Variants in PCDHAC1 observed in about 807,000 individuals in gnomAD.
PCDHAC1 encodes the protein protocadherin alpha-C1.
Under a neutral mutation model 60.0 loss-of-function variants are expected in PCDHAC1, and 42 were observed. The ratio of observed to expected loss-of-function variants is 0.70; its 90% CI spans 0.55 to 0.90. PCDHAC1 has a LOEUF of 0.90. Among genes scored for constraint, PCDHAC1 ranks in the 40% least tolerant of loss-of-function variants. The probability of loss-of-function intolerance (pLI) is 0.00; values close to 1 mark genes in which losing one functional copy is unlikely to be tolerated. For missense variants in PCDHAC1, 1,160 were observed against 1,222.3 expected (o/e 0.95, Z 0.76); for synonymous variants, 468 against 499.3 (o/e 0.94, Z 0.84).
intron 1 of PCDHAC1, among the ~76,000 whole-genome samples, chr5:140,975,052 T>C (rs2096651440): frequency 6.6e-6 from 1 of 152,206 alleles, no homozygotes; most frequent in South Asian, 2.1e-4. Context: ...AGGAAGAATC[T>C]ACTATCGAGC....
At chr5:140,954,650 C>G (rs2095069221) in intron 1 of PCDHAC1, among the ~76,000 whole-genome samples, 1 of 151,902 alleles carries the variant, frequency 6.6e-6, no homozygotes, top group Non-Finnish European at 1.5e-5. Context: ...TGTTTAAGTT[C>G]CTTGTAGACT....
intron 1 of PCDHAC1, among the ~76,000 whole-genome samples, chr5:140,935,583 C>T (rs1182817725): frequency 1.3e-5 from 2 of 152,168 alleles, no homozygotes; most frequent in Admixed American, 6.5e-5. Flanking sequence ...AGTTAAGCCA[C>T]CAGCTAGATA....
intron 3 of PCDHAC1, among the ~76,000 whole-genome samples, chr5:141,000,409 ATATATATATATATTT>A (rs2097918498): frequency 1.1e-5 from 1 of 94,040 alleles, no homozygotes; most frequent in East Asian, 3.1e-4. Flanking sequence ...ATATATATAT[ATATATATATATATTT>A]TTTTTTTTTT....
Position 140,993,501 on chromosome 5 carries a change from C to T in PCDHAC1, c.2581+10938C>T, listed in dbSNP as rs560043353. Among the ~76,000 whole-genome samples, 25 of 149,100 alleles carry T rather than the reference C, an allele frequency of 1.7e-4. No homozygotes were observed. The East Asian group carries it at 3.5e-3, about 21-fold the overall frequency. ...ACACACACACACACACACACACACA[C>T]ACACACACGGGGAGAGAGAGACAGA... On this transcript the variant is annotated intron_variant, in intron 3 of 3. Transcript: ENST00000253807.
chr5:140,935,242 A>G (rs1054515711), intron 1 of PCDHAC1, among the ~76,000 whole-genome samples: 16 of 152,218 alleles, frequency 1.1e-4, no homozygotes, highest in African/African-American at 3.6e-4. Context: ...ATTTTTTAAA[A>G]GATAAAATAC....
At chr5:140,943,515 G>C (rs2093511975) in intron 1 of PCDHAC1, among the ~76,000 whole-genome samples, 1 of 152,100 alleles carries the variant, frequency 6.6e-6, no homozygotes, top group African/African-American at 2.4e-5. Context: ...TGGAAATGTT[G>C]AGTTCAGTAT....
chr5:140,998,594 T>A (rs1396456161), intron 3 of PCDHAC1, among the ~76,000 whole-genome samples: 4 of 152,076 alleles, frequency 2.6e-5, no homozygotes, highest in Non-Finnish European at 5.9e-5. Context: ...GACAGAGTTT[T>A]GCTCTTGTTG....
chr5:140,977,750 G>A (rs2096773664), intron 1 of PCDHAC1, among the ~76,000 whole-genome samples: 1 of 152,142 alleles, frequency 6.6e-6, no homozygotes, highest in South Asian at 2.1e-4. Context: ...GAAGAAATGT[G>A]TTTATTAAAT....
intron 3 of PCDHAC1, among the ~76,000 whole-genome samples, chr5:140,999,978 G>A (rs980753359): frequency 5.9e-5 from 9 of 151,942 alleles, no homozygotes; most frequent in South Asian, 2.1e-4. Flanking sequence ...CAGCTCTAGC[G>A]GCCTCTGGGT....
At position 140,927,848 on chromosome 5, in the gene PCDHAC1, G is replaced by C. The variant is rs1295513512; in HGVS notation, c.956G>C (p.Gly319Ala). 1 of 1,614,180 alleles carries C rather than the reference G, an allele frequency of 6.2e-7. No homozygotes were observed. The highest frequency in any genetic ancestry group is 1.3e-5 in the African/African-American group (1 of 75,052). Residue 319 changes from glycine (G) to alanine (A), a missense_variant, in exon 1 of 4, where the codon GGT (glycine) becomes GCT (alanine). Physicochemically the swap from Gly to Ala is moderately conservative, Grantham distance 60. Transcript: ENST00000253807. ...YIEARDEGVF[G>A]LASTAKLLVE... is the part of the protein sequence containing the mutation. ...GAGGCGAGGGACGAAGGTGTCTTTG[G>C]TTTAGCTAGCACCGCTAAACTGCTG...
intron 1 of PCDHAC1, among the ~76,000 whole-genome samples, chr5:140,975,996 C>G (rs923472287): frequency 4.6e-5 from 7 of 152,064 alleles, no homozygotes; most frequent in African/African-American, 1.7e-4. Flanking sequence ...GAGGTACCAT[C>G]TAAGTATTAA....
At chr5:140,970,271 G>A (rs1395602971) in intron 1 of PCDHAC1, among the ~76,000 whole-genome samples, 1 of 152,200 alleles carries the variant, frequency 6.6e-6, no homozygotes, top group Non-Finnish European at 1.5e-5. Context: ...TTGATGAGAT[G>A]TAAAGTAGCC....
intron 1 of PCDHAC1, among the ~76,000 whole-genome samples, chr5:140,976,889 T>A (rs2096736169): frequency 6.6e-6 from 1 of 152,218 alleles, no homozygotes; most frequent in Admixed American, 6.5e-5. Context: ...TTAGGATACA[T>A]GCAACAGTAT....
intron 1 of PCDHAC1, among the ~76,000 whole-genome samples, chr5:140,969,735 T>A (rs1029423690): frequency 2.6e-5 from 4 of 152,188 alleles, no homozygotes; most frequent in Non-Finnish European, 5.9e-5. Flanking sequence ...TGAAATCCTA[T>A]ATGAGTGATG....
At chr5:140,980,615 C>T (rs1182621837) in intron 2 of PCDHAC1, among the ~76,000 whole-genome samples, 4 of 151,596 alleles carry the variant, frequency 2.6e-5, no homozygotes, top group Admixed American at 6.6e-5. Flanking sequence ...GGCGACAGTG[C>T]GAGACTCTGT....
intron 2 of PCDHAC1, among the ~76,000 whole-genome samples, chr5:140,981,152 C>T (rs1340087244): frequency 6.6e-6 from 1 of 152,210 alleles, no homozygotes; most frequent in African/African-American, 2.4e-5. Flanking sequence ...AAACATTGAA[C>T]TTATATGTTG....
chr5:140,969,557 A>G, intron 1 of PCDHAC1: 2 of 1,212,410 alleles, frequency 1.6e-6, no homozygotes, highest in South Asian at 3.3e-5. Context: ...AGCCTTGTCC[A>G]TAAAATTGTT....
At chr5:140,960,764 A>C (rs1383623742) in intron 1 of PCDHAC1, among the ~76,000 whole-genome samples, 7 of 152,164 alleles carry the variant, frequency 4.6e-5, no homozygotes, top group African/African-American at 1.7e-4. Flanking sequence ...CAAGAGTTAC[A>C]GAGGAGAAAT....
intron 1 of PCDHAC1, among the ~76,000 whole-genome samples, chr5:140,970,958 C>T (rs1554232904): frequency 6.6e-6 from 1 of 152,106 alleles, no homozygotes; most frequent in Non-Finnish European, 1.5e-5. Context: ...CCATGGGAGG[C>T]AGATTGTAGA....
Sources: allele counts gnomAD v4.1 joint callset (sites outside exome capture counted in the v4.1 genomes callset), GRCh38; gene constraint gnomAD v4.1.1; transcripts MANE v1.5; gene names NCBI Gene and HGNC (gene_info 2026-07-23, HGNC 2026-07-21).